NLGN4X: variants seen among roughly 807,000 people sequenced by gnomAD.
NLGN4X encodes the protein neuroligin 4 X-linked.
NLGN4X carries 3 observed loss-of-function variants against 40.3 expected under a neutral mutation model. The ratio of observed to expected loss-of-function variants is 0.07; its 90% CI spans 0.03 to 0.19. The LOEUF (loss-of-function observed/expected upper bound fraction) is 0.19, where lower values mean the gene tolerates loss of function less well. Among genes scored for constraint, NLGN4X ranks in the 10% least tolerant of loss-of-function variants. NLGN4X has a pLI of 1.00. For synonymous variants in NLGN4X, 270 were observed against 306.8 expected (o/e 0.88, Z 1.25); for missense variants, 382 against 708.3 (o/e 0.54, Z 5.23).
chrX:6,032,501 C>G (rs889950259), intron 2 of NLGN4X, among the ~76,000 whole-genome samples: 7 of 107,381 alleles, frequency 6.5e-5, no homozygotes, highest in African/African-American at 2.4e-4. Flanking sequence ...GATTTGTTTC[C>G]TGTACATGGT....
At chrX:5,936,641 G>A (rs1344999179) in intron 3 of NLGN4X, among the ~76,000 whole-genome samples, 1 of 111,850 alleles carries the variant, frequency 8.9e-6, no homozygotes, top group African/African-American at 3.2e-5. Context: ...TATGTTACTG[G>A]AATTGGTACA....
At chrX:6,095,239 T>C (rs984331460) in intron 2 of NLGN4X, among the ~76,000 whole-genome samples, 4 of 110,008 alleles carry the variant, frequency 3.6e-5, no homozygotes, top group Non-Finnish European at 7.6e-5. Context: ...TATTTAATGA[T>C]TGCATTGACT....
intron 5 of NLGN4X, 152 bp downstream of exon 5, chrX:5,902,925 T>G: frequency 1.6e-6 from 1 of 633,665 alleles, no homozygotes; most frequent in South Asian, 2.5e-5. Flanking sequence ...CTGCTGTGTG[T>G]GTAAGCGTGT....
chrX:5,953,162 G>T (rs925851077), intron 3 of NLGN4X, among the ~76,000 whole-genome samples: 1 of 110,450 alleles, frequency 9.1e-6, no homozygotes, highest in African/African-American at 3.3e-5. Flanking sequence ...TTTGAGCTCG[G>T]GAGTTTGAGA....
At chrX:6,167,075 A>T (rs397896207) in intron 1 of NLGN4X, among the ~76,000 whole-genome samples, 18,415 of 100,846 alleles carry the variant, frequency 0.18, 1,471 homozygotes, top group Non-Finnish European at 0.24. Context: ...GTCTCAAAAA[A>T]AAAAAAAAAA....
intron 1 of NLGN4X, among the ~76,000 whole-genome samples, chrX:6,209,661 T>A (rs1011359735): frequency 8.9e-6 from 1 of 112,041 alleles, no homozygotes; most frequent in Non-Finnish European, 1.9e-5. Context: ...AATGATCTAC[T>A]AATAATAGTT....
chrX:6,104,056 C>T (rs1270137118), intron 2 of NLGN4X, among the ~76,000 whole-genome samples: 3 of 111,706 alleles, frequency 2.7e-5, no homozygotes, highest in Non-Finnish European at 5.6e-5. Context: ...CATATAGGTA[C>T]ACATAAACTA....
intron 3 of NLGN4X, among the ~76,000 whole-genome samples, chrX:5,984,999 A>G (rs1197181261): frequency 8.9e-6 from 1 of 112,335 alleles, no homozygotes; most frequent in Admixed American, 9.5e-5. Context: ...ATAAGCAATC[A>G]TATCTGAAAA....
At position 6,017,928 on chromosome X, in the gene NLGN4X, G is replaced by A. The variant is rs137931801; in HGVS notation, c.625+11352C>T. ...TCAGCCAAGCTAAGCTATGATGTTT[G>A]GTAGGTTAGATGTATTGATGCATTT... On this transcript the variant is annotated intron_variant, in intron 3 of 5. Transcript: ENST00000381095. Among the ~76,000 whole-genome samples the A allele has an allele frequency of 5.4e-5, 6 of 111,806 alleles. No homozygotes were observed. In the East Asian group the frequency reaches 1.7e-3, roughly 32 times the overall value.
At chrX:5,944,459 C>A (rs2034055834) in intron 3 of NLGN4X, among the ~76,000 whole-genome samples, 1 of 109,416 alleles carries the variant, frequency 9.1e-6, no homozygotes, top group South Asian at 4.0e-4. Context: ...CCAGCATGGG[C>A]AACAGATCAA....
chrX:6,025,428 T>C (rs374673919), intron 3 of NLGN4X, among the ~76,000 whole-genome samples: 297 of 112,041 alleles, frequency 2.7e-3, no homozygotes, highest in African/African-American at 9.2e-3. Flanking sequence ...CAATATTTGA[T>C]AGATATTAGT....
chrX:5,985,066 T>C (rs915450436), intron 3 of NLGN4X, among the ~76,000 whole-genome samples: 6 of 112,042 alleles, frequency 5.4e-5, no homozygotes, highest in African/African-American at 1.6e-4. Context: ...GGTTAGGTCA[T>C]AAACATGGAG....
chrX:6,180,938 C>T (rs1163238829), intron 1 of NLGN4X, among the ~76,000 whole-genome samples: 1 of 111,400 alleles, frequency 9.0e-6, no homozygotes, highest in Non-Finnish European at 1.9e-5. Flanking sequence ...CCCTGCCCTG[C>T]TTTTTTCTTT....
Position 6,155,873 on chromosome X carries a change from T to C in NLGN4X, c.-305-4102A>G, listed in dbSNP as rs757539790. Among the ~76,000 whole-genome samples the C allele has an allele frequency of 8.0e-5, 9 of 111,976 alleles. No homozygotes were observed. In the East Asian group the frequency reaches 2.5e-3, roughly 32 times the overall value. On this transcript the variant is annotated intron_variant, in intron 1 of 5. Transcript: ENST00000381095. ...CATCTCACACTAGTCAGAATGGCTA[T>C]TCATAAAACATCAAAAAACAACAGA...
intron 3 of NLGN4X, among the ~76,000 whole-genome samples, chrX:5,987,703 A>G (rs2035568094): frequency 8.9e-6 from 1 of 112,201 alleles, no homozygotes; most frequent in Non-Finnish European, 1.9e-5. Flanking sequence ...GAAACCATGA[A>G]CACATCACCA....
chrX:6,092,489 A>G (rs181878466), intron 2 of NLGN4X, among the ~76,000 whole-genome samples: 303 of 112,263 alleles, frequency 2.7e-3, no homozygotes, highest in African/African-American at 9.3e-3. Context: ...AAGCGAACCT[A>G]CCTGCCTGGG....
chrX:5,929,557 T>C (rs1045933049), intron 3 of NLGN4X, among the ~76,000 whole-genome samples: 1 of 112,327 alleles, frequency 8.9e-6, no homozygotes, highest in Non-Finnish European at 1.9e-5. Flanking sequence ...ATGTAGTGTG[T>C]GTATATATAT....
At chrX:6,085,716 T>C (rs1046740891) in intron 2 of NLGN4X, among the ~76,000 whole-genome samples, 1 of 112,431 alleles carries the variant, frequency 8.9e-6, no homozygotes, top group East Asian at 2.8e-4. Flanking sequence ...TATACAGGCT[T>C]AAGTAATGCT....
At chrX:6,049,743 C>A (rs5961401) in intron 2 of NLGN4X, among the ~76,000 whole-genome samples, 20 of 9,393 alleles carry the variant, frequency 2.1e-3, no homozygotes, top group African/African-American at 1.6e-3. Flanking sequence ...GGGGGGGGGG[C>A]GGTCACAAAA....
Sources: allele counts gnomAD v4.1 joint callset (sites outside exome capture counted in the v4.1 genomes callset), GRCh38; gene constraint gnomAD v4.1.1; transcripts MANE v1.5; gene names NCBI Gene and HGNC (gene_info 2026-07-23, HGNC 2026-07-21).